ZGRF1: variants seen among roughly 807,000 people sequenced by gnomAD.
ZGRF1 encodes the protein 5'-3' DNA helicase ZGRF1.
A neutral mutation model predicts 203.5 loss-of-function variants in ZGRF1; 196 were observed. The observed-to-expected ratio is 0.96, with a 90% CI of 0.86 to 1.08. The LOEUF (loss-of-function observed/expected upper bound fraction) is 1.08. Among genes scored for constraint, ZGRF1 ranks in the 50% least tolerant of loss-of-function variants. The pLI, the probability that ZGRF1 is intolerant of heterozygous loss-of-function variation, is 0.00. For synonymous variants in ZGRF1, 809 were observed against 841.3 expected (o/e 0.96, Z 0.66); for missense variants, 2,326 against 2,416.3 (o/e 0.96, Z 0.78).
At chr4:112,567,248 G>A (rs908210478) in intron 16 of ZGRF1, among the ~76,000 whole-genome samples, 26 of 152,124 alleles carry the variant, frequency 1.7e-4, no homozygotes, top group African/African-American at 5.3e-4. Context: ...ACCAGATTGG[G>A]ATGGGCCTTC....
intron 4 of ZGRF1, among the ~76,000 whole-genome samples, chr4:112,623,236 T>C (rs2047122363): frequency 6.6e-6 from 1 of 152,238 alleles, no homozygotes; most frequent in African/African-American, 2.4e-5. Flanking sequence ...TTCTATCTCA[T>C]TTTCTTTATC....
intron 3 of ZGRF1, among the ~76,000 whole-genome samples, chr4:112,624,163 CAAAA>C (rs34831385): frequency 2.6e-5 from 3 of 114,104 alleles, no homozygotes; most frequent in Admixed American, 8.6e-5. Flanking sequence ...TGCTACTGCT[CAAAA>C]AAAAAAAAAA....
intron 14 of ZGRF1, among the ~76,000 whole-genome samples, 160 bp downstream of exon 14, chr4:112,585,381 C>G (rs965611398): frequency 6.6e-6 from 1 of 152,152 alleles, no homozygotes; most frequent in Non-Finnish European, 1.5e-5. Context: ...ATCATTCTTT[C>G]AATAAAACTT....
intron 3 of ZGRF1, among the ~76,000 whole-genome samples, chr4:112,625,122 T>C (rs1177431899): frequency 3.9e-5 from 6 of 152,090 alleles, no homozygotes; most frequent in Non-Finnish European, 8.8e-5. Flanking sequence ...ACTCTATCTC[T>C]AAAAAATTTT....
intron 16 of ZGRF1, among the ~76,000 whole-genome samples, chr4:112,575,899 A>C (rs942156974): frequency 2.7e-4 from 41 of 152,218 alleles, no homozygotes; most frequent in Non-Finnish European, 2.9e-5. Flanking sequence ...GCAGACTTAA[A>C]TGTCCCTGTC....
chr4:112,540,686 C>A (rs1344833414), intron 26 of ZGRF1, 135 bp downstream of exon 26: 3 of 537,098 alleles, frequency 5.6e-6, no homozygotes, highest in African/African-American at 1.9e-5. Flanking sequence ...CAGAATGTTT[C>A]TTTTTTAATA....
At chr4:112,565,430 C>CAAAAA (rs35098422) in intron 16 of ZGRF1, 50 of 515,718 alleles carry the variant, frequency 9.7e-5, no homozygotes, top group East Asian at 1.7e-4. Context: ...ATTTCATTCT[C>CAAAAA]AAAAAAAAAA....
At chr4:112,627,376 A>AT (rs2047271525) in intron 3 of ZGRF1, among the ~76,000 whole-genome samples, 1 of 152,146 alleles carries the variant, frequency 6.6e-6, no homozygotes, top group African/African-American at 2.4e-5. Context: ...AGCCTCTACT[A>AT]TAAGTCTCTG....
Position 112,560,795 on chromosome 4 carries a change from T to C in ZGRF1, c.4898A>G (p.His1633Arg). ...TTCCTTCACTTCTTCAATGCTTTCA[T>C]GTGATGCCATCATTTGAGCTATTTG... ...LIQIAQMMAS[H>R]ESIEEVKELQ... The change falls in exon 19 of 28, where the codon CAT becomes CGT. Residue 1633 changes from histidine to arginine, a missense_variant. Transcript: ENST00000505019. 6.2e-7 allele frequency: 1 copy of C among 1,609,800 alleles called. No individual in the cohort carries two copies. The highest frequency in any genetic ancestry group is 8.5e-7 in the Non-Finnish European group (1 of 1,176,238).
intron 3 of ZGRF1, among the ~76,000 whole-genome samples, chr4:112,626,882 T>G (rs1425339394): frequency 6.6e-6 from 1 of 152,186 alleles, no homozygotes; most frequent in Non-Finnish European, 1.5e-5. Flanking sequence ...CTCAGATCAC[T>G]GCAACCTCCA....
intron 10 of ZGRF1, among the ~76,000 whole-genome samples, chr4:112,596,845 G>C (rs747797878): frequency 6.6e-6 from 1 of 152,016 alleles, no homozygotes; most frequent in African/African-American, 2.4e-5. Context: ...TGCCCACCTC[G>C]ACCTCCCCAA....
intron 24 of ZGRF1, among the ~76,000 whole-genome samples, chr4:112,542,994 C>G (rs1737993600): frequency 6.6e-6 from 1 of 152,036 alleles, no homozygotes; most frequent in Non-Finnish European, 1.5e-5. Context: ...TCACACCCAG[C>G]TTGCCTTTTC....
intron 6 of ZGRF1, among the ~76,000 whole-genome samples, chr4:112,614,822 G>C (rs1433285536): frequency 6.7e-6 from 1 of 148,398 alleles, no homozygotes; most frequent in Admixed American, 6.7e-5. Flanking sequence ...GCGAGACTCT[G>C]TGTCAAAAAA....
intron 10 of ZGRF1, among the ~76,000 whole-genome samples, chr4:112,592,330 T>G (rs1002820102): frequency 1.3e-5 from 2 of 152,094 alleles, no homozygotes; most frequent in African/African-American, 4.8e-5. Flanking sequence ...ACTTCTGACC[T>G]CAGGTGATCC....
intron 10 of ZGRF1, among the ~76,000 whole-genome samples, chr4:112,590,096 G>C (rs1483169775): frequency 1.3e-5 from 2 of 152,260 alleles, no homozygotes; most frequent in Non-Finnish European, 2.9e-5. Flanking sequence ...AAATCTTTCA[G>C]ATTTACTTGA....
chr4:112,544,958 A>T (rs1738460484), intron 24 of ZGRF1, among the ~76,000 whole-genome samples: 1 of 152,198 alleles, frequency 6.6e-6, no homozygotes, highest in Non-Finnish European at 1.5e-5. Context: ...ATGAAGTTGG[A>T]CCCTTATCTC....
intron 3 of ZGRF1, among the ~76,000 whole-genome samples, chr4:112,629,571 G>T (rs1470637654): frequency 2.0e-5 from 3 of 152,074 alleles, no homozygotes; most frequent in African/African-American, 7.2e-5. Context: ...TTGGGATGCT[G>T]AGGTGGGAGG....
intron 12 of ZGRF1, 44 bp from the exon 13 acceptor site, chr4:112,586,627 T>C: frequency 1.4e-6 from 2 of 1,431,272 alleles, no homozygotes; most frequent in Non-Finnish European, 1.9e-6. Context: ...TCCAGAAAAA[T>C]ACTGTTTACT....
At position 112,618,800 on chromosome 4, in the gene ZGRF1, G is replaced by A. The variant is rs1158385304; in HGVS notation, c.1242C>T (p.Ser414=). The change falls in exon 6 of 28, where the codon AGC becomes AGT. Residue 414 remains serine (S), a synonymous_variant. Transcript: ENST00000505019. ...LEIPSFNESS[S]LQVTCSSAEN... is the part of the protein sequence containing the mutation. ...CTGCACTGCTACAAGTAACCTGTAA[G>A]CTACTGCTTTCATTGAATGAAGGAA... 1.9e-6 allele frequency: 3 copies of A among 1,612,602 alleles called. No individual in the cohort carries two copies. Among genetic ancestry groups the A allele is most frequent in the African/African-American group, 2.7e-5 (2 of 75,022 alleles).
Sources: allele counts gnomAD v4.1 joint callset (sites outside exome capture counted in the v4.1 genomes callset), GRCh38; gene constraint gnomAD v4.1.1; transcripts MANE v1.5; gene names NCBI Gene and HGNC (gene_info 2026-07-23, HGNC 2026-07-21).